The following AGBL4 variants were observed in gnomAD, a reference collection of about 807,000 sequenced individuals.
The protein encoded by AGBL4 is AGBL carboxypeptidase 4.
Under a neutral mutation model 66.4 loss-of-function variants are expected in AGBL4, and 58 were observed. The observed-to-expected ratio is 0.87, with a 90% CI of 0.71 to 1.09. The LOEUF is 1.09. AGBL4 is among the 50% of genes least tolerant of loss of function. The pLI is 0.00. For synonymous variants in AGBL4, 234 were observed against 222.9 expected (o/e 1.05, Z -0.44); for missense variants, 579 against 631.0 (o/e 0.92, Z 0.88).
intron 2 of AGBL4, among the ~76,000 whole-genome samples, chr1:49,797,843 A>T (rs1233180930): frequency 1.3e-5 from 2 of 151,122 alleles, no homozygotes; most frequent in Admixed American, 1.3e-4. Flanking sequence ...CGGTCACTGT[A>T]ACTTCCGCCT....
At chr1:49,718,079 T>C (rs2124679161) in intron 2 of AGBL4, among the ~76,000 whole-genome samples, 1 of 152,156 alleles carries the variant, frequency 6.6e-6, no homozygotes, top group South Asian at 2.1e-4. Context: ...AAGTGGGTGA[T>C]ATGGTTCGGA....
intron 7 of AGBL4, among the ~76,000 whole-genome samples, chr1:48,659,360 C>T (rs1425234430): frequency 2.0e-4 from 31 of 152,294 alleles, no homozygotes; most frequent in Non-Finnish European, 8.8e-5. Context: ...AACTCAGGCC[C>T]ATCAAACTCC....
At chr1:49,570,175 T>G (rs932024733) in intron 3 of AGBL4, among the ~76,000 whole-genome samples, 2 of 152,124 alleles carry the variant, frequency 1.3e-5, no homozygotes, top group African/African-American at 4.8e-5. Flanking sequence ...CCATGGAGGT[T>G]ATACTAATTT....
At chr1:48,961,405 G>T (rs1008138411) in intron 5 of AGBL4, among the ~76,000 whole-genome samples, 1 of 152,168 alleles carries the variant, frequency 6.6e-6, no homozygotes, top group African/African-American at 2.4e-5. Context: ...CCAAGCAATT[G>T]ATTTTCACAA....
intron 1 of AGBL4, among the ~76,000 whole-genome samples, chr1:49,920,082 A>C (rs1348686873): frequency 6.6e-6 from 1 of 152,214 alleles, no homozygotes; most frequent in Non-Finnish European, 1.5e-5. Context: ...TTACACAAAA[A>C]TTAATTCAAG....
At chr1:48,672,149 C>G (rs1209741373) in intron 6 of AGBL4, among the ~76,000 whole-genome samples, 1 of 152,204 alleles carries the variant, frequency 6.6e-6, no homozygotes, top group Non-Finnish European at 1.5e-5. Context: ...TGACAAATGA[C>G]TTCTCCGTAA....
chr1:49,872,564 G>C (rs1239917417), intron 1 of AGBL4, among the ~76,000 whole-genome samples: 3 of 152,160 alleles, frequency 2.0e-5, no homozygotes, highest in African/African-American at 7.2e-5. Context: ...GACCTCAAAA[G>C]AAATGCACCC....
intron 9 of AGBL4, among the ~76,000 whole-genome samples, chr1:48,611,356 C>A (rs1009111464): frequency 6.6e-6 from 1 of 152,216 alleles, no homozygotes; most frequent in Non-Finnish European, 1.5e-5. Context: ...AGGGTCATGG[C>A]CTGAGCCAAT....
At chr1:49,430,480 G>A (rs879145744) in intron 3 of AGBL4, among the ~76,000 whole-genome samples, 20 of 152,084 alleles carry the variant, frequency 1.3e-4, no homozygotes, top group Admixed American at 1.1e-3. Context: ...ACCCTAGTAT[G>A]GGCCTGGTAC....
chr1:49,458,643 G>T (rs979303592), intron 3 of AGBL4, among the ~76,000 whole-genome samples: 5 of 151,740 alleles, frequency 3.3e-5, no homozygotes, highest in Non-Finnish European at 7.4e-5. Context: ...TTCTCAGGGA[G>T]AATGCTTTCA....
At chr1:49,455,531 T>C (rs1226694653) in intron 3 of AGBL4, among the ~76,000 whole-genome samples, 2 of 151,714 alleles carry the variant, frequency 1.3e-5, no homozygotes, top group African/African-American at 4.8e-5. Context: ...AACAATTTCC[T>C]TACCATCTCC....
chr1:48,680,986 C>G (rs146385286), intron 6 of AGBL4, among the ~76,000 whole-genome samples: 1 of 152,276 alleles, frequency 6.6e-6, no homozygotes, highest in Non-Finnish European at 1.5e-5. Context: ...ATTACAGGTA[C>G]AGGTTGCTGG....
chr1:49,393,012 GGCAAGATTTTTAGCATGTGA>G (rs2148595597), intron 3 of AGBL4, among the ~76,000 whole-genome samples: 1 of 152,080 alleles, frequency 6.6e-6, no homozygotes, highest in East Asian at 1.9e-4. Context: ...TGTGACTTTA[GGCAAGATTTTTAGCATGTGA>G]GCATCAGTTC....
intron 1 of AGBL4, among the ~76,000 whole-genome samples, chr1:49,938,522 G>C (rs1446254701): frequency 2.6e-5 from 4 of 152,150 alleles, no homozygotes; most frequent in African/African-American, 9.7e-5. Flanking sequence ...TGATACCAAA[G>C]CCGGGCAGAG....
At chr1:48,569,480 C>G (rs1644526086) in intron 11 of AGBL4, among the ~76,000 whole-genome samples, 2 of 152,160 alleles carry the variant, frequency 1.3e-5, no homozygotes, top group Admixed American at 1.3e-4. Context: ...AGCCTGGTTT[C>G]CCTGATTTCC....
At chr1:48,901,394 G>A (rs1652065865) in intron 5 of AGBL4, among the ~76,000 whole-genome samples, 1 of 152,098 alleles carries the variant, frequency 6.6e-6, no homozygotes, top group Admixed American at 6.6e-5. Context: ...TAAAGTATAT[G>A]TCCTTGCAAA....
chr1:49,971,301 T>A (rs1045427827), intron 1 of AGBL4, among the ~76,000 whole-genome samples: 1 of 152,212 alleles, frequency 6.6e-6, no homozygotes. Flanking sequence ...ATACTATATA[T>A]GCTACCTGCC....
chr1:49,204,153 G>A (rs1647943529), intron 4 of AGBL4, among the ~76,000 whole-genome samples: 1 of 152,142 alleles, frequency 6.6e-6, no homozygotes, highest in Non-Finnish European at 1.5e-5. Context: ...TGAGGGGACT[G>A]TATGCAGTTT....
chr1:49,568,283 G>A (rs1644254340), intron 3 of AGBL4, among the ~76,000 whole-genome samples: 1 of 152,114 alleles, frequency 6.6e-6, no homozygotes, highest in Admixed American at 6.6e-5. Context: ...GATAATTTCA[G>A]TGAAGTCTCA....
Sources: allele counts gnomAD v4.1 joint callset (sites outside exome capture counted in the v4.1 genomes callset), GRCh38; gene constraint gnomAD v4.1.1; transcripts MANE v1.5; gene names NCBI Gene and HGNC (gene_info 2026-07-23, HGNC 2026-07-21).